Variants in ACAP2 observed in about 807,000 individuals in gnomAD.
The protein encoded by ACAP2 is arf-GAP with coiled-coil, ANK repeat and PH domain-containing protein 2.
ACAP2 carries 39 observed loss-of-function variants against 115.8 expected under a neutral mutation model. The observed-to-expected ratio is 0.34, with a 90% CI of 0.26 to 0.44. The LOEUF is 0.44. Ranked by LOEUF, ACAP2 falls within the 20% of genes least tolerant of loss-of-function variation. ACAP2 has a pLI of 1.00. For synonymous variants in ACAP2, 289 were observed against 315.8 expected (o/e 0.92, Z 0.90); for missense variants, 662 against 927.6 (o/e 0.71, Z 3.72).
At chr3:195,317,885 GA>G (rs151159899) in intron 10 of ACAP2, among the ~76,000 whole-genome samples, 2,032 of 148,522 alleles carry the variant, frequency 0.014, 36 homozygotes, top group African/African-American at 0.045. Context: ...CAAAGGGCAG[GA>G]AAAAAAAAAG....
chr3:195,428,561 G>T (rs1000029154), intron 1 of ACAP2, among the ~76,000 whole-genome samples: 1 of 151,994 alleles, frequency 6.6e-6, no homozygotes, highest in Non-Finnish European at 1.5e-5. Context: ...AGCTGTACAG[G>T]TTTGTATCCT....
intron 14 of ACAP2, 143 bp from the exon 15 acceptor site, chr3:195,301,787 G>A: frequency 8.9e-7 from 1 of 1,120,490 alleles, no homozygotes; most frequent in Non-Finnish European, 1.3e-6. Flanking sequence ...AATGAATGAT[G>A]AACCAAAGTC....
intron 7 of ACAP2, among the ~76,000 whole-genome samples, chr3:195,333,587 T>G (rs1157870411): frequency 6.6e-6 from 1 of 152,258 alleles, no homozygotes; most frequent in East Asian, 1.9e-4. Context: ...AAATAAATTT[T>G]ATTTAAAAGA....
At chr3:195,326,460 C>T (rs1729799617) in intron 9 of ACAP2, 1 of 155,122 alleles carries the variant, frequency 6.4e-6, no homozygotes, top group Non-Finnish European at 1.4e-5. Context: ...CTTGCAGTGA[C>T]TGCAGTTGGA....
intron 22 of ACAP2, among the ~76,000 whole-genome samples, chr3:195,284,884 C>G (rs1255700123): frequency 6.6e-6 from 1 of 152,002 alleles, no homozygotes; most frequent in Non-Finnish European, 1.5e-5. Flanking sequence ...ATTCATGAAA[C>G]AAGAAAACCA....
chr3:195,307,822 T>C (rs1728517126), intron 11 of ACAP2, among the ~76,000 whole-genome samples: 1 of 152,154 alleles, frequency 6.6e-6, no homozygotes, highest in Non-Finnish European at 1.5e-5. Flanking sequence ...TTTATCAGAA[T>C]AGAAGAAACC....
At position 195,277,720 on chromosome 3, in the gene ACAP2, AATATC is replaced by A. The variant is rs1560190934; in HGVS notation, c.*1603_*1607del. The A allele has an allele frequency of 6.6e-6, 1 of 152,350 alleles. No individual in the cohort carries two copies. Among genetic ancestry groups the A allele is most frequent in the East Asian group, 1.9e-4 (1 of 5,190 alleles). The allele number at this position is 152,350 out of a possible 1,614,324, so 9.4% of individuals were successfully genotyped here. Reference sequence around the variant, plus strand: ...CCTCTTATTTAGAAAGAGTATCAATAATATCATTTACATATAATTTCTAAAAGAAG... The same window carrying A: ...CCTCTTATTTAGAAAGAGTATCAATAATTTACATATAATTTCTAAAAGAAG... On this transcript the variant is annotated 3_prime_UTR_variant, in exon 23 of 23. Transcript: ENST00000326793.
At chr3:195,350,597 C>T (rs1243229591) in intron 4 of ACAP2, among the ~76,000 whole-genome samples, 4 of 149,618 alleles carry the variant, frequency 2.7e-5, no homozygotes, top group African/African-American at 4.9e-5. Flanking sequence ...TGCAGTGAGT[C>T]ATTTTCATTT....
At chr3:195,351,275 G>A (rs1731568345) in intron 4 of ACAP2, among the ~76,000 whole-genome samples, 1 of 151,710 alleles carries the variant, frequency 6.6e-6, no homozygotes, top group East Asian at 1.9e-4. Flanking sequence ...ATGCCACCAC[G>A]CCAGTTAATT....
chr3:195,301,649 G>A lies in ACAP2; in HGVS notation c.1326-5C>T, dbSNP rs1728063204. 50 of 1,611,230 alleles carry A rather than the reference G, an allele frequency of 3.1e-5. No individual in the cohort carries two copies. The highest frequency in any genetic ancestry group is 4.2e-5 in the Non-Finnish European group (49 of 1,179,070). On this transcript the variant is annotated splice_region_variant and splice_polypyrimidine_tract_variant and intron_variant, in intron 14 of 22. Coordinates refer to ENST00000326793, the MANE Select transcript of ACAP2 (RefSeq NM_012287.6). ...GAAAAATGAACCCCAAGGCTCCTAA[G>A]TGGAAAAAAGAAGACTGCATTACTA...
chr3:195,409,038 C>T (rs909551930), intron 1 of ACAP2, among the ~76,000 whole-genome samples: 5 of 151,564 alleles, frequency 3.3e-5, no homozygotes, highest in African/African-American at 7.3e-5. Flanking sequence ...GGCAAGGATG[C>T]TGCTTTCAAC....
chr3:195,419,049 G>A (rs560945074), intron 1 of ACAP2, among the ~76,000 whole-genome samples: 3 of 152,016 alleles, frequency 2.0e-5, no homozygotes, highest in Admixed American at 2.0e-4. Flanking sequence ...TACTGAGGTA[G>A]TATCAGCATA....
chr3:195,349,262 AC>A (rs1560272432), intron 4 of ACAP2, among the ~76,000 whole-genome samples: 3 of 152,092 alleles, frequency 2.0e-5, no homozygotes, highest in African/African-American at 7.2e-5. Flanking sequence ...CGGGCAGATC[AC>A]CTGAGGTCGG....
chr3:195,424,224 A>ATGTGTG (rs10576915), intron 1 of ACAP2, among the ~76,000 whole-genome samples: 1 of 113,260 alleles, frequency 8.8e-6, no homozygotes, highest in African/African-American at 3.7e-5. Flanking sequence ...GAATGGTCAT[A>ATGTGTG]TGTGTGTGTG....
In ACAP2 at chr3:195,382,035, A is replaced by G; in HGVS notation, c.112-13T>C. The G allele has an allele frequency of 6.2e-7, 1 of 1,601,282 alleles. No individual in the cohort carries two copies. On this transcript the variant is annotated splice_polypyrimidine_tract_variant and intron_variant, in intron 2 of 22. Transcript: ENST00000326793. ...AAAGTTTCACAAGCTGAAAAAGAAA[A>G]AAAAAATTCATCAGGTTGAAGATAG...
chr3:195,307,251 A>AT lies in ACAP2; in HGVS notation c.981dup (p.Phe328IlefsTer4). The AT allele has an allele frequency of 6.2e-7, 1 of 1,613,550 alleles. No homozygotes were observed. The highest frequency in any genetic ancestry group is 8.5e-7 in the Non-Finnish European group (1 of 1,179,622). ...GTTGGCGAGACCACCTCAAAGCAGA[A>AT]TCGTCGCTCTATGTCTTCACAATGT... On this transcript the variant is annotated frameshift_variant, in exon 12 of 23. Transcript: ENST00000326793. LOFTEE classifies it high-confidence loss of function.
At chr3:195,311,091 TG>T (rs1388999338) in intron 10 of ACAP2, among the ~76,000 whole-genome samples, 2,907 of 125,990 alleles carry the variant, frequency 0.023, 99 homozygotes, top group East Asian at 0.12. Context: ...GTGGTTTTTT[TG>T]TTTTTTTTTT....
At chr3:195,437,885 C>CTTT (rs1186712431) in intron 1 of ACAP2, among the ~76,000 whole-genome samples, 1,800 of 90,748 alleles carry the variant, frequency 0.02, 100 homozygotes, top group African/African-American at 0.072. Context: ...ACTTTACATG[C>CTTT]TTTTTTTTTT....
chr3:195,306,064 C>T (rs955779064), intron 13 of ACAP2, among the ~76,000 whole-genome samples: 3 of 152,072 alleles, frequency 2.0e-5, no homozygotes, highest in Non-Finnish European at 4.4e-5. Context: ...TCTTGGTAAG[C>T]TCTTTGAGAA....
Sources: gnomAD v4.1 joint callset for allele counts (sites outside exome capture counted in the v4.1 genomes callset) on GRCh38, gnomAD v4.1.1 for gene constraint, MANE v1.5 for transcripts, NCBI Gene and HGNC (gene_info 2026-07-23, HGNC 2026-07-21) for gene names.